FARS2: variants seen among roughly 807,000 people sequenced by gnomAD.
FARS2 encodes phenylalanine--tRNA ligase, mitochondrial.
In FARS2, 40 loss-of-function variants were observed where a neutral mutation model predicts 46.4. The ratio of observed to expected loss-of-function variants is 0.86; its 90% confidence interval spans 0.67 to 1.12. The LOEUF (loss-of-function observed/expected upper bound fraction) is 1.12, where lower values mean the gene tolerates loss of function less well. Ranked by LOEUF, FARS2 falls within the 50% of genes most tolerant of loss-of-function variation. The probability of loss-of-function intolerance (pLI) is 0.00; values close to 1 mark genes in which losing one functional copy is unlikely to be tolerated. For synonymous variants in FARS2, 234 were observed against 214.9 expected, an observed-to-expected ratio of 1.09 and a Z score of -0.78; for missense variants, 513 against 567.9, an observed-to-expected ratio of 0.90 and a Z score of 0.98.
intron 5 of FARS2, among the ~76,000 whole-genome samples, chr6:5,598,591 G>T (rs1327293343): frequency 6.6e-6 from 1 of 152,126 alleles, no homozygotes; most frequent in East Asian, 1.9e-4. Context: ...ACCAAAAGGG[G>T]TACAAAACAA....
chr6:5,538,363 T>A (rs1388412158), intron 4 of FARS2, among the ~76,000 whole-genome samples: 1 of 152,002 alleles, frequency 6.6e-6, no homozygotes, highest in East Asian at 1.9e-4. Context: ...ATAGTTGAGA[T>A]AATCAGGGCA....
chr6:5,314,087 C>T (rs1318619153), intron 1 of FARS2, among the ~76,000 whole-genome samples: 7 of 152,106 alleles, frequency 4.6e-5, no homozygotes, highest in African/African-American at 1.2e-4. Context: ...TTTATGGCAT[C>T]GAGGAACCAC....
intron 2 of FARS2, among the ~76,000 whole-genome samples, chr6:5,369,446 A>C (rs1410719028): frequency 6.6e-6 from 1 of 152,130 alleles, no homozygotes; most frequent in African/African-American, 2.4e-5. Context: ...CTGACCCGCC[A>C]TTCTCTGGGT....
chr6:5,403,053 G>A (rs564070038), intron 2 of FARS2, among the ~76,000 whole-genome samples: 1 of 152,238 alleles, frequency 6.6e-6, no homozygotes, highest in South Asian at 2.1e-4. Flanking sequence ...CAAAGGCATT[G>A]TGTTCAATAG....
intron 4 of FARS2, among the ~76,000 whole-genome samples, chr6:5,485,911 G>C (rs546222016): frequency 1.1e-3 from 160 of 152,278 alleles, no homozygotes; most frequent in African/African-American, 3.7e-3. Context: ...ACTGAACTGG[G>C]CTGCACAGAC....
chr6:5,571,317 A>G (rs1772632436), intron 5 of FARS2, among the ~76,000 whole-genome samples: 1 of 152,380 alleles, frequency 6.6e-6, no homozygotes. Flanking sequence ...CTTCTGTGAC[A>G]TACGGGTGTA....
intron 4 of FARS2, among the ~76,000 whole-genome samples, chr6:5,532,657 A>G (rs1354639037): frequency 6.6e-6 from 1 of 152,170 alleles, no homozygotes; most frequent in Non-Finnish European, 1.5e-5. Flanking sequence ...AGGCTGAGGC[A>G]GGAGAATTGC....
chr6:5,640,382 A>G (rs1776757620), intron 6 of FARS2, among the ~76,000 whole-genome samples: 1 of 152,204 alleles, frequency 6.6e-6, no homozygotes, highest in Non-Finnish European at 1.5e-5. Flanking sequence ...TTGGCTTCAT[A>G]TCACGGCAAA....
intron 6 of FARS2, among the ~76,000 whole-genome samples, chr6:5,687,144 A>G (rs1452378110): frequency 1.3e-5 from 2 of 152,160 alleles, no homozygotes; most frequent in East Asian, 3.8e-4. Context: ...CCCATTTTGT[A>G]GGTTGCCTGT....
chr6:5,400,862 T>C (rs541273910), intron 2 of FARS2, among the ~76,000 whole-genome samples: 1 of 152,164 alleles, frequency 6.6e-6, no homozygotes, highest in Admixed American at 6.5e-5. Context: ...TATTGATATA[T>C]AGATATTCAT....
chr6:5,693,750 C>G (rs1206283869), intron 6 of FARS2, among the ~76,000 whole-genome samples: 2 of 152,168 alleles, frequency 1.3e-5, no homozygotes, highest in Non-Finnish European at 2.9e-5. Context: ...ACACATCTGG[C>G]ACTGGACGCT....
Position 5,369,016 on chromosome 6 carries a change from C to T in FARS2, c.446C>T (p.Thr149Ile), listed in dbSNP as rs1459848796. Residue 149 changes from threonine to isoleucine, a missense_variant, in exon 2 of 7, where the codon ACT becomes ATT. Physicochemically the swap from Thr to Ile is moderately conservative, Grantham distance 89. Coordinates refer to ENST00000274680, the MANE Select transcript of FARS2 (RefSeq NM_006567.5). Reference sequence around the variant, plus strand: ...GGGGACAACTATTACCTGAATCGGACTCACATGCTGAGAGCGCACACGTCT... The same window carrying T: ...GGGGACAACTATTACCTGAATCGGATTCACATGCTGAGAGCGCACACGTCT... The part of the protein sequence containing the change: ...KKGDNYYLNR[T>I]HMLRAHTSAH... The T allele has an allele frequency of 6.2e-7, 1 of 1,614,044 alleles. No homozygotes were observed. Among genetic ancestry groups the T allele is most frequent in the Non-Finnish European group, 8.5e-7 (1 of 1,180,034 alleles).
At chr6:5,769,516 G>A (rs1012787587) in intron 6 of FARS2, among the ~76,000 whole-genome samples, 2 of 152,232 alleles carry the variant, frequency 1.3e-5, no homozygotes, top group African/African-American at 4.8e-5. Context: ...CTTTGTGGGA[G>A]GTCCTTGGGG....
rs1288857960 is a variant in FARS2 at position 5,630,695 on chromosome 6, G to T, written c.1217+17375G>T. ...GGATAAGATGGCTGAAAGCGCTCCT[G>T]TCAGCCCTCTCTGAGAAGGGAGAAT... On this transcript the variant is annotated intron_variant, in intron 6 of 6. Coordinates refer to ENST00000274680, the MANE Select transcript of FARS2 (RefSeq NM_006567.5). The surrounding 1 kb of genome is among the most constrained non-coding windows in gnomAD (Gnocchi z 4.2). 6.6e-6 allele frequency among the ~76,000 whole-genome samples: 1 copy of T among 152,216 alleles called. No homozygotes were observed. The highest frequency in any genetic ancestry group is 1.5e-5 in the Non-Finnish European group (1 of 68,042).
chr6:5,484,209 T>G (rs1295132344), intron 4 of FARS2, among the ~76,000 whole-genome samples: 3 of 152,234 alleles, frequency 2.0e-5, no homozygotes, highest in African/African-American at 7.2e-5. Context: ...GAAGGCAGTG[T>G]TCCAAAAGTA....
intron 6 of FARS2, among the ~76,000 whole-genome samples, chr6:5,744,078 C>T (rs1319563892): frequency 6.6e-6 from 1 of 152,204 alleles, no homozygotes; most frequent in Admixed American, 6.5e-5. Context: ...CAGGGGATAA[C>T]CCAAATGGGA....
intron 1 of FARS2, among the ~76,000 whole-genome samples, chr6:5,331,201 CAG>C (rs917365107): frequency 4.6e-5 from 7 of 151,152 alleles, no homozygotes; most frequent in Admixed American, 4.0e-4. Context: ...TGGGCTTTAA[CAG>C]ATTTAATTTT....
intron 1 of FARS2, among the ~76,000 whole-genome samples, chr6:5,273,588 A>G (rs1766118622): frequency 6.6e-6 from 1 of 152,112 alleles, no homozygotes; most frequent in South Asian, 2.1e-4. Flanking sequence ...GATGGTTTGC[A>G]AATACTTTTT....
At chr6:5,658,735 T>C (rs1018366432) in intron 6 of FARS2, among the ~76,000 whole-genome samples, 5 of 152,156 alleles carry the variant, frequency 3.3e-5, no homozygotes, top group Admixed American at 3.3e-4. Context: ...GTCATAGAAA[T>C]TTTCAAGGAG....
Sources: allele counts gnomAD v4.1 joint callset (sites outside exome capture counted in the v4.1 genomes callset), GRCh38; gene constraint gnomAD v4.1.1; non-coding constraint Gnocchi (gnomAD v3.1); transcripts MANE v1.5; gene names NCBI Gene and HGNC (gene_info 2026-07-23, HGNC 2026-07-21).